Variants in C12orf42 observed in about 807,000 individuals in gnomAD.
The protein encoded by C12orf42 is uncharacterized protein C12orf42.
C12orf42 carries 25 observed loss-of-function variants against 21.6 expected under a neutral mutation model. The observed-to-expected ratio is 1.16, with a 90% confidence interval of 0.84 to 1.62. The LOEUF (loss-of-function observed/expected upper bound fraction) is 1.62, where lower values mean the gene tolerates loss of function less well. Among genes scored for constraint, C12orf42 ranks in the 40% most tolerant of loss-of-function variants. The probability of loss-of-function intolerance (pLI) is 0.00; values close to 1 mark genes in which losing one functional copy is unlikely to be tolerated. For missense variants in C12orf42, 483 were observed against 459.3 expected (o/e 1.05, Z -0.47); for synonymous variants, 174 against 175.0 (o/e 0.99, Z 0.05).
At chr12:103,492,233 C>T (rs534595584) in intron 1 of C12orf42, among the ~76,000 whole-genome samples, 1 of 152,206 alleles carries the variant, frequency 6.6e-6, no homozygotes, top group Non-Finnish European at 1.5e-5. Context: ...GCTGGGATTA[C>T]AGGGGTGAGC....
chr12:103,377,115 C>T (rs2045768633), intron 3 of C12orf42, among the ~76,000 whole-genome samples: 1 of 152,100 alleles, frequency 6.6e-6, no homozygotes. Context: ...GATGTTCTCT[C>T]TTCCCTTATT....
chr12:103,057,979 CAG>C, the C12orf42 span, among the ~76,000 whole-genome samples: 2 of 145,150 alleles, frequency 1.4e-5, no homozygotes, highest in African/African-American at 2.6e-5. Context: ...TTTTTTTTGA[CAG>C]AGTCTCACTC....
intron 1 of C12orf42, among the ~76,000 whole-genome samples, chr12:103,483,438 A>T (rs1024965500): frequency 6.6e-6 from 1 of 152,142 alleles, no homozygotes; most frequent in Non-Finnish European, 1.5e-5. Flanking sequence ...CCCAGAAAGG[A>T]TCCAGCCTCA....
chr12:103,395,084 A>G (rs1035531174), intron 3 of C12orf42, among the ~76,000 whole-genome samples: 7 of 152,252 alleles, frequency 4.6e-5, no homozygotes. Context: ...ACAAAAAGTA[A>G]GACAGACTAG....
At chr12:103,371,058 T>A (rs1593662885) in intron 3 of C12orf42, among the ~76,000 whole-genome samples, 1 of 152,268 alleles carries the variant, frequency 6.6e-6, no homozygotes, top group South Asian at 2.1e-4. Flanking sequence ...GTATGGATAG[T>A]ACTATTTGGA....
chr12:103,160,939 C>T, the C12orf42 span, among the ~76,000 whole-genome samples: 2,670 of 152,260 alleles, frequency 0.018, 59 homozygotes, highest in African/African-American at 0.061. Flanking sequence ...ATTTCAGTTT[C>T]CTCAGCTGCG....
At chr12:103,292,007 G>T (rs1219001105) in intron 4 of C12orf42, among the ~76,000 whole-genome samples, 2 of 152,094 alleles carry the variant, frequency 1.3e-5, no homozygotes, top group Non-Finnish European at 2.9e-5. Context: ...TCAAAAGGTG[G>T]ACACAGCCCC....
intron 4 of C12orf42, among the ~76,000 whole-genome samples, chr12:103,345,900 T>C (rs933797551): frequency 1.3e-5 from 2 of 152,198 alleles, no homozygotes; most frequent in Non-Finnish European, 2.9e-5. Flanking sequence ...TACTGTATGA[T>C]AATAACTATG....
chr12:103,514,817 C>G, the C12orf42 span, among the ~76,000 whole-genome samples: 30 of 152,228 alleles, frequency 2.0e-4, no homozygotes, highest in Middle Eastern at 3.4e-3. Flanking sequence ...AAATGAACAA[C>G]AGAATTCCCA....
At chr12:103,245,399 T>C (rs1342368825) in intron 10 of C12orf42, among the ~76,000 whole-genome samples, 3 of 152,124 alleles carry the variant, frequency 2.0e-5, no homozygotes, top group African/African-American at 7.2e-5. Context: ...GATGTGTGAT[T>C]GAATTCCACT....
intron 10 of C12orf42, among the ~76,000 whole-genome samples, chr12:103,251,076 C>T (rs557715000): frequency 3.1e-4 from 47 of 152,228 alleles, no homozygotes; most frequent in Admixed American, 7.9e-4. Context: ...CTGTGATATG[C>T]CATTCACTAC....
At chr12:103,408,616 A>T (rs1478363609) in intron 2 of C12orf42, among the ~76,000 whole-genome samples, 1 of 152,234 alleles carries the variant, frequency 6.6e-6, no homozygotes, top group African/African-American at 2.4e-5. Flanking sequence ...TGATTCCTCC[A>T]TTTGTCATTA....
the C12orf42 span, among the ~76,000 whole-genome samples, chr12:103,077,077 C>A: frequency 6.6e-6 from 1 of 152,160 alleles, no homozygotes; most frequent in Non-Finnish European, 1.5e-5. Flanking sequence ...AGACTTTGTT[C>A]TAGACCCATT....
chr12:103,410,516 A>G (rs1479445433), intron 2 of C12orf42, among the ~76,000 whole-genome samples: 1 of 152,204 alleles, frequency 6.6e-6, no homozygotes, highest in East Asian at 1.9e-4. Context: ...TCCAGGTTTC[A>G]TAAGAAAGAG....
chr12:103,353,309 G>A (rs1405038256), intron 4 of C12orf42, among the ~76,000 whole-genome samples: 2 of 151,646 alleles, frequency 1.3e-5, no homozygotes, highest in East Asian at 3.9e-4. Flanking sequence ...AAGAGGGGGT[G>A]GGGGGCAAGT....
intron 4 of C12orf42, among the ~76,000 whole-genome samples, chr12:103,295,251 T>G (rs2037176032): frequency 6.6e-6 from 1 of 152,150 alleles, no homozygotes; most frequent in Non-Finnish European, 1.5e-5. Context: ...AAACATTACC[T>G]CATCCCTTCC....
intron 4 of C12orf42, among the ~76,000 whole-genome samples, chr12:103,367,332 T>A (rs1215415410): frequency 6.6e-6 from 1 of 151,588 alleles, no homozygotes; most frequent in Non-Finnish European, 1.5e-5. Flanking sequence ...AGGCTACAAA[T>A]TGGGTTCAGT....
the C12orf42 span, among the ~76,000 whole-genome samples, chr12:103,099,861 C>T: frequency 6.6e-6 from 1 of 152,074 alleles, no homozygotes; most frequent in East Asian, 1.9e-4. Flanking sequence ...AGCAAATATA[C>T]CAAGTTTTTT....
chr12:103,161,816 A>G, the C12orf42 span, among the ~76,000 whole-genome samples: 1 of 152,224 alleles, frequency 6.6e-6, no homozygotes, highest in Non-Finnish European at 1.5e-5. Flanking sequence ...GTACACAAAA[A>G]TGACCTATTT....
Sources: gnomAD v4.1 joint callset for allele counts (sites outside exome capture counted in the v4.1 genomes callset) on GRCh38, gnomAD v4.1.1 for gene constraint, MANE v1.5 for transcripts, NCBI Gene and HGNC (gene_info 2026-07-23, HGNC 2026-07-21) for gene names.